Variants in RICTOR observed in about 807,000 individuals in gnomAD.
RICTOR encodes RPTOR independent companion of MTOR complex 2.
RICTOR carries 49 observed loss-of-function variants against 214.9 expected under a neutral mutation model. That is an observed-to-expected ratio of 0.23 (90% CI 0.18 to 0.29). The LOEUF (loss-of-function observed/expected upper bound fraction) is 0.29, where lower values mean the gene tolerates loss of function less well. Among genes scored for constraint, RICTOR ranks in the 10% least tolerant of loss-of-function variants. RICTOR has a pLI of 1.00. For missense variants in RICTOR, 1,625 were observed against 2,047.0 expected (o/e 0.79, Z 3.98); for synonymous variants, 717 against 711.3 (o/e 1.01, Z -0.13).
At chr5:38,984,389 C>G (rs1199589785) in intron 7 of RICTOR, among the ~76,000 whole-genome samples, 1 of 152,102 alleles carries the variant, frequency 6.6e-6, no homozygotes, top group Non-Finnish European at 1.5e-5. Context: ...ATCTGCTTAA[C>G]ATGAAATGGA....
Position 38,953,719 on chromosome 5 carries a change from T to C in RICTOR, c.2698-166A>G, listed in dbSNP as rs537571846. Among the ~76,000 whole-genome samples, 37 of 151,838 alleles carry C rather than the reference T, an allele frequency of 2.4e-4. 1 individual carries two copies. The highest frequency in any genetic ancestry group is 8.7e-4 in the African/African-American group (36 of 41,516). The stretch of plus-strand genomic sequence containing the variant: ...CTTGAGAAGCAGCATAGGGCAGGGG[T>C]TCTGAATTCACATTCTAGAATTATC... On this transcript the variant is annotated intron_variant, in intron 27 of 37. Coordinates refer to ENST00000357387, the MANE Select transcript of RICTOR (RefSeq NM_152756.5).
chr5:39,013,024 G>A (rs1754663690), intron 3 of RICTOR, among the ~76,000 whole-genome samples: 1 of 152,246 alleles, frequency 6.6e-6, no homozygotes. Flanking sequence ...AAAGAAAACA[G>A]GAATGAAAAA....
At chr5:39,036,385 G>A (rs1361745228) in intron 2 of RICTOR, among the ~76,000 whole-genome samples, 1 of 152,080 alleles carries the variant, frequency 6.6e-6, no homozygotes, top group Non-Finnish European at 1.5e-5. Context: ...AAGACCATCA[G>A]GGCTAGGAAG....
intron 30 of RICTOR, among the ~76,000 whole-genome samples, chr5:38,951,672 T>G (rs1461586646): frequency 1.3e-5 from 2 of 151,980 alleles, no homozygotes; most frequent in African/African-American, 2.4e-5. Flanking sequence ...GCCTTAAATT[T>G]TGTACACCTA....
chr5:39,018,675 A>G (rs1755155071), intron 3 of RICTOR, among the ~76,000 whole-genome samples: 1 of 152,060 alleles, frequency 6.6e-6, no homozygotes, highest in Non-Finnish European at 1.5e-5. Context: ...TGTGTGTTCC[A>G]ATTCCTCCAC....
chr5:38,972,259 C>T (rs988101028), intron 10 of RICTOR, among the ~76,000 whole-genome samples: 2 of 152,168 alleles, frequency 1.3e-5, no homozygotes, highest in African/African-American at 2.4e-5. Flanking sequence ...AGTAAGAACA[C>T]GGGAGAAAAA....
intron 3 of RICTOR, among the ~76,000 whole-genome samples, chr5:39,020,328 G>A (rs572483869): frequency 3.6e-4 from 54 of 152,096 alleles, no homozygotes; most frequent in Non-Finnish European, 5.9e-4. Context: ...GAAATCTTTC[G>A]TGACAGGAAG....
rs1191342975 is a variant in RICTOR at position 38,946,497 on chromosome 5, C to T, written c.4370G>A (p.Gly1457Asp). The T allele has an allele frequency of 6.2e-7, 1 of 1,611,662 alleles. No individual in the cohort carries two copies. The highest frequency in any genetic ancestry group is 1.1e-5 in the South Asian group (1 of 91,030). The stretch of plus-strand genomic sequence containing the variant: ...TGCATCATGGGCAAATGCTCTTGCA[C>T]CTCGATCATCATGTGGTGGTATGTT... ...TKNIPPHDDR[G>D]ARAFAHDAGG... is the part of the protein sequence containing the mutation. The change falls in exon 33 of 38, where the codon GGT (glycine) becomes GAT (aspartate). Residue 1457 changes from glycine to aspartate, a missense_variant. Physicochemically the swap from Gly to Asp is moderately conservative, Grantham distance 94. Around this residue, in one of 5 missense-constraint regions of RICTOR, gnomAD observed 1,214 missense variants for 1,470.5 expected, o/e 0.83. Coordinates refer to ENST00000357387, the MANE Select transcript of RICTOR (RefSeq NM_152756.5).
chr5:39,057,357 A>T (rs1211834483), intron 2 of RICTOR, among the ~76,000 whole-genome samples: 1 of 152,194 alleles, frequency 6.6e-6, no homozygotes, highest in South Asian at 2.1e-4. Context: ...ACATCTACTT[A>T]GTAAGTATAT....
chr5:38,957,836 T>A (rs1443023221), intron 24 of RICTOR, 106 bp from the exon 25 acceptor site: 12 of 590,936 alleles, frequency 2.0e-5, no homozygotes, highest in Non-Finnish European at 3.3e-5. Context: ...TAAAAGACTT[T>A]AGGAATAGTT....
At chr5:39,032,954 C>CA (rs1256336845) in intron 2 of RICTOR, among the ~76,000 whole-genome samples, 3 of 152,202 alleles carry the variant, frequency 2.0e-5, no homozygotes, top group Non-Finnish European at 2.9e-5. Context: ...TCCTAACCTA[C>CA]AAGCCCCCTT....
At chr5:39,051,361 T>C (rs762053486) in intron 2 of RICTOR, among the ~76,000 whole-genome samples, 10 of 152,286 alleles carry the variant, frequency 6.6e-5, no homozygotes, top group African/African-American at 2.4e-4. Flanking sequence ...CACTGTAAGA[T>C]ATACAAAATT....
intron 2 of RICTOR, among the ~76,000 whole-genome samples, chr5:39,051,040 T>C (rs62359845): frequency 1.5e-4 from 15 of 100,970 alleles, no homozygotes; most frequent in African/African-American, 4.3e-4. Flanking sequence ...CATACATATA[T>C]ATACACACAC....
intron 28 of RICTOR, among the ~76,000 whole-genome samples, 180 bp from the exon 29 acceptor site, chr5:38,953,271 T>C (rs1748950835): frequency 6.6e-6 from 1 of 151,898 alleles, no homozygotes; most frequent in South Asian, 2.1e-4. Flanking sequence ...ACAAAAGTCA[T>C]GAAACCAATA....
At chr5:38,979,513 A>G (rs530846324) in intron 8 of RICTOR, among the ~76,000 whole-genome samples, 37 of 152,244 alleles carry the variant, frequency 2.4e-4, no homozygotes, top group African/African-American at 7.9e-4. Flanking sequence ...CTTTTAACTG[A>G]GGATTCCCTT....
chr5:39,040,761 A>G (rs79096895), intron 2 of RICTOR, among the ~76,000 whole-genome samples: 3,002 of 152,204 alleles, frequency 0.02, 114 homozygotes, highest in African/African-American at 0.069. Context: ...ATAGCTCTGT[A>G]TATCTACGCA....
chr5:39,072,486 T>C lies in RICTOR; in HGVS notation c.97+1625A>G, dbSNP rs74847234. ...GCACCACATCTGAGCAGGTTTTTAATGCACAAGTTAAACTCAAGTTTATTA... is the reference window on the plus strand; with the variant it reads ...GCACCACATCTGAGCAGGTTTTTAACGCACAAGTTAAACTCAAGTTTATTA... On this transcript the variant is annotated intron_variant, in intron 2 of 37. Transcript: ENST00000357387. Among the ~76,000 whole-genome samples, 485 of 152,350 alleles carry C rather than the reference T, an allele frequency of 3.2e-3. 6 individuals are homozygous for C. The highest frequency in any genetic ancestry group is 0.011 in the African/African-American group (468 of 41,590).
At chr5:39,070,460 A>G (rs142787912) in intron 2 of RICTOR, among the ~76,000 whole-genome samples, 1 of 151,988 alleles carries the variant, frequency 6.6e-6, no homozygotes, top group Non-Finnish European at 1.5e-5. Flanking sequence ...TGGGCGACAG[A>G]GCGAGACTCC....
chr5:38,979,879 G>T (rs933438939), intron 8 of RICTOR, among the ~76,000 whole-genome samples: 2 of 152,170 alleles, frequency 1.3e-5, no homozygotes, highest in Non-Finnish European at 2.9e-5. Flanking sequence ...TCTCTCCAAA[G>T]ACTGCAATTA....
Sources: gnomAD v4.1 joint callset for allele counts (sites outside exome capture counted in the v4.1 genomes callset) on GRCh38, gnomAD v4.1.1 for gene constraint, gnomAD v4.1.1 regional missense constraint, MANE v1.5 for transcripts, NCBI Gene and HGNC (gene_info 2026-07-23, HGNC 2026-07-21) for gene names.